Variants in MLLT3 observed in about 807,000 individuals in gnomAD.
MLLT3 encodes the protein protein AF-9.
Under a neutral mutation model 53.2 loss-of-function variants are expected in MLLT3, and 4 were observed. The ratio of observed to expected loss-of-function variants is 0.08; its 90% CI spans 0.04 to 0.17. The LOEUF (loss-of-function observed/expected upper bound fraction) is 0.17. MLLT3 is among the 10% of genes least tolerant of loss of function. The probability of loss-of-function intolerance (pLI) is 1.00; values close to 1 mark genes in which losing one functional copy is unlikely to be tolerated. For missense variants in MLLT3, 569 were observed against 684.0 expected (o/e 0.83, Z 1.87); for synonymous variants, 283 against 230.6 (o/e 1.23, Z -2.06).
At chr9:20,579,970 C>T (rs565174735) in intron 2 of MLLT3, among the ~76,000 whole-genome samples, 1 of 152,284 alleles carries the variant, frequency 6.6e-6, no homozygotes, top group East Asian at 1.9e-4. Context: ...TCTCACCAGA[C>T]TCGTGTGAGG....
chr9:20,567,723 T>C (rs1041411962), intron 2 of MLLT3, among the ~76,000 whole-genome samples: 10 of 152,164 alleles, frequency 6.6e-5, no homozygotes, highest in African/African-American at 1.9e-4. Flanking sequence ...AACAATAATG[T>C]ATATTTTGAA....
chr9:20,344,843 A>G lies in MLLT3; in HGVS notation c.*1600T>C, dbSNP rs139216686. 1.0e-3 allele frequency: 218 copies of G among 210,738 alleles called. No homozygotes were observed. Among genetic ancestry groups the G allele is most frequent in the Middle Eastern group, 9.3e-3 (6 of 642 alleles). 13.1% of individuals were successfully genotyped at this position (210,738 alleles called of 1,614,324 possible). ...CTAGTTAATCTCTGTATGAAAAGAC[A>G]GCATCTGGCATGGGAACAAACAAGG... On this transcript the variant is annotated 3_prime_UTR_variant, in exon 11 of 11. Coordinates refer to ENST00000380338, the MANE Select transcript of MLLT3 (RefSeq NM_004529.4).
At chr9:20,594,714 G>A (rs983858351) in intron 2 of MLLT3, among the ~76,000 whole-genome samples, 2 of 152,156 alleles carry the variant, frequency 1.3e-5, no homozygotes, top group African/African-American at 4.8e-5. Flanking sequence ...CCAAGAAGGC[G>A]ATGAAAGTGA....
intron 2 of MLLT3, among the ~76,000 whole-genome samples, chr9:20,579,363 A>G (rs756008714): frequency 6.6e-6 from 1 of 152,138 alleles, no homozygotes; most frequent in Non-Finnish European, 1.5e-5. Flanking sequence ...ACAGAGTAAG[A>G]TTCCATCTCT....
At chr9:20,455,119 TC>T (rs1446634044) in intron 3 of MLLT3, among the ~76,000 whole-genome samples, 1 of 152,170 alleles carries the variant, frequency 6.6e-6, no homozygotes, top group African/African-American at 2.4e-5. Flanking sequence ...AATGAGCACT[TC>T]AATATGAAAG....
At chr9:20,500,869 G>C (rs559481048) in intron 2 of MLLT3, among the ~76,000 whole-genome samples, 2 of 152,244 alleles carry the variant, frequency 1.3e-5, no homozygotes, top group South Asian at 4.1e-4. Context: ...ACTCCCTCCA[G>C]TTCAATGTCT....
intron 2 of MLLT3, among the ~76,000 whole-genome samples, chr9:20,498,471 T>C (rs1825137596): frequency 6.6e-6 from 1 of 152,200 alleles, no homozygotes; most frequent in African/African-American, 2.4e-5. Flanking sequence ...TTTGCCCATT[T>C]TATAACTGAA....
intron 4 of MLLT3, among the ~76,000 whole-genome samples, chr9:20,433,695 A>T (rs955911896): frequency 1.2e-4 from 18 of 152,284 alleles, no homozygotes; most frequent in Non-Finnish European, 2.4e-4. Context: ...ACTGGCCTGA[A>T]GTCTTTAAAA....
At chr9:20,462,119 T>A (rs1586966699) in intron 2 of MLLT3, among the ~76,000 whole-genome samples, 1 of 152,164 alleles carries the variant, frequency 6.6e-6, no homozygotes, top group East Asian at 1.9e-4. Context: ...CATCAGAGGG[T>A]AGCTTACCGC....
Position 20,621,680 on chromosome 9 carries a change from G to A in MLLT3, c.12+565C>T, listed in dbSNP as rs1821014630. On this transcript the variant is annotated intron_variant, in intron 1 of 10. Transcript: ENST00000380338. The surrounding 1 kb of genome is among the most constrained non-coding windows in gnomAD (Gnocchi z 7.0). ...GCCGCCGAGCCTCGGCTCGCGCTCA[G>A]CACCTCCCGGCGCTGGGGCAAAGTT... 2 of 1,298,286 alleles carry A rather than the reference G, an allele frequency of 1.5e-6. No individual in the cohort carries two copies. The highest frequency in any genetic ancestry group is 2.7e-5 in the Admixed American group (1 of 37,406). 80.4% of individuals were successfully genotyped at this position (1,298,286 alleles called of 1,614,324 possible). A position where few individuals can be genotyped will look rare whatever the true frequency, so the allele number is the denominator to read the frequency against.
At chr9:20,436,339 G>T (rs962965215) in intron 4 of MLLT3, among the ~76,000 whole-genome samples, 2 of 152,144 alleles carry the variant, frequency 1.3e-5, no homozygotes, top group African/African-American at 2.4e-5. Flanking sequence ...AAAGTTTAGG[G>T]GAAAGGGATT....
intron 2 of MLLT3, among the ~76,000 whole-genome samples, chr9:20,552,268 T>C (rs1315986026): frequency 6.6e-6 from 1 of 152,210 alleles, no homozygotes; most frequent in Non-Finnish European, 1.5e-5. Flanking sequence ...TTCGTAATCC[T>C]ATTTAACACA....
chr9:20,566,834 G>C (rs1272718962), intron 2 of MLLT3, among the ~76,000 whole-genome samples: 1 of 152,100 alleles, frequency 6.6e-6, no homozygotes, highest in Non-Finnish European at 1.5e-5. Context: ...TAGGGCTCCA[G>C]GTGGTACACC....
intron 4 of MLLT3, among the ~76,000 whole-genome samples, chr9:20,445,929 A>G (rs1159993297): frequency 1.3e-5 from 2 of 152,222 alleles, no homozygotes; most frequent in Non-Finnish European, 2.9e-5. Flanking sequence ...ATGGCTCATA[A>G]GTTAGTAACA....
intron 2 of MLLT3, among the ~76,000 whole-genome samples, chr9:20,554,014 A>G (rs967743310): frequency 6.6e-5 from 10 of 152,176 alleles, no homozygotes; most frequent in African/African-American, 2.4e-4. Context: ...GCAGCTTTTC[A>G]TACCCTTGAT....
Position 20,538,911 on chromosome 9 carries a change from A to G in MLLT3, c.193+81743T>C, listed in dbSNP as rs1317454349. Among the ~76,000 whole-genome samples, 7 of 152,336 alleles carry G rather than the reference A, an allele frequency of 4.6e-5. No individual in the cohort carries two copies. The South Asian group carries it at 1.5e-3, about 32-fold the overall frequency. On this transcript the variant is annotated intron_variant, in intron 2 of 10. Transcript: ENST00000380338. ...TTATGTTTATACTATAATATAATAT[A>G]CACATGTGCGATAGCATTATGTGTT... is the stretch of plus-strand genomic sequence containing the variant.
At chr9:20,597,139 G>A (rs1022607666) in intron 2 of MLLT3, among the ~76,000 whole-genome samples, 5 of 151,866 alleles carry the variant, frequency 3.3e-5, no homozygotes, top group Non-Finnish European at 5.9e-5. Context: ...AATCTTGTAT[G>A]CTATAACCTT....
intron 2 of MLLT3, among the ~76,000 whole-genome samples, chr9:20,457,314 T>C (rs150154071): frequency 0.033 from 4,927 of 148,224 alleles, 120 homozygotes; most frequent in Non-Finnish European, 0.05. Context: ...AATGGTGTGA[T>C]CTTGGCTCAC....
At chr9:20,395,467 A>G (rs1822299064) in intron 5 of MLLT3, among the ~76,000 whole-genome samples, 2 of 152,294 alleles carry the variant, frequency 1.3e-5, no homozygotes, top group Admixed American at 6.5e-5. Flanking sequence ...TGCCAGATGT[A>G]AAGTGGCATT....
Sources: gnomAD v4.1 joint callset for allele counts (sites outside exome capture counted in the v4.1 genomes callset) on GRCh38, gnomAD v4.1.1 for gene constraint, Gnocchi (gnomAD v3.1) non-coding constraint, MANE v1.5 for transcripts, NCBI Gene and HGNC (gene_info 2026-07-23, HGNC 2026-07-21) for gene names.